Variants in PTAR1 observed in about 807,000 individuals in gnomAD.
PTAR1 encodes protein prenyltransferase alpha subunit repeat containing 1.
A neutral mutation model predicts 45.5 loss-of-function variants in PTAR1; 17 were observed. The observed-to-expected ratio is 0.37, with a 90% confidence interval of 0.26 to 0.56. PTAR1 has a LOEUF of 0.56. PTAR1 is among the 20% of genes least tolerant of loss of function. The probability of loss-of-function intolerance (pLI) is 0.77; values close to 1 mark genes in which losing one functional copy is unlikely to be tolerated. For missense variants in PTAR1, 391 were observed against 476.3 expected (o/e 0.82, Z 1.67); for synonymous variants, 169 against 171.3 (o/e 0.99, Z 0.11).
chr9:69,711,030 A>C lies in PTAR1; in HGVS notation c.*7312T>G, dbSNP rs79765027. On this transcript the variant is annotated 3_prime_UTR_variant, in exon 8 of 8. Coordinates refer to ENST00000340434, the MANE Select transcript of PTAR1 (RefSeq NM_001099666.2). ...GACTAGTGTCCACAAAATTCGAGTCAAAAAAAAATTAGACGCTATTAAAAT... is the reference window on the plus strand; with the variant it reads ...GACTAGTGTCCACAAAATTCGAGTCCAAAAAAAATTAGACGCTATTAAAAT... 6.6e-6 allele frequency: 1 copy of C among 151,450 alleles called. No individual in the cohort carries two copies. The highest frequency in any genetic ancestry group is 2.4e-5 in the African/African-American group (1 of 41,270). The allele number at this position is 151,450 out of a possible 1,614,324, so 9.4% of individuals were successfully genotyped here. A position where few individuals can be genotyped will look rare whatever the true frequency, so the allele number is the denominator to read the frequency against.
chr9:69,722,530 G>C (rs897326860), intron 6 of PTAR1, among the ~76,000 whole-genome samples: 2 of 152,010 alleles, frequency 1.3e-5, no homozygotes, highest in Non-Finnish European at 2.9e-5. Context: ...CTTCAGGTAA[G>C]TTAATTTGCA....
chr9:69,751,079 T>C (rs1826508651), intron 1 of PTAR1, 129 bp from the exon 2 acceptor site: 2 of 679,972 alleles, frequency 2.9e-6, no homozygotes, highest in Admixed American at 6.0e-5. Context: ...TTAGCTCACT[T>C]ACTGGGATTG....
rs114918767 is a variant in PTAR1, at chr9:69,732,326, T to C, written c.455A>G (p.Gln152Arg). The C allele has an allele frequency of 3.4e-3, 5,492 of 1,613,788 alleles. 176 individuals carry two copies. In the African/African-American group the frequency reaches 0.065, roughly 19 times the overall value. Residue 152 changes from glutamine to arginine, a missense_variant, in exon 5 of 8, where the codon CAG (glutamine) becomes CGG (arginine). By Grantham distance (43) the Gln-to-Arg change is conservative. Around this residue, in one of 5 missense-constraint regions of PTAR1, gnomAD observed 9 missense variants for 27.7 expected, o/e 0.33. Transcript: ENST00000340434. ...CACAAAGGAAGGCAAGGAGGTTTCC[T>C]GAATTAGCTGTTGTAGCACCCATCG... ...HRRWVLQQLIQETSLPSFVTK... is the reference protein window; with the variant it reads ...HRRWVLQQLIRETSLPSFVTK...
chr9:69,733,029 A>C (rs4144336), intron 4 of PTAR1, among the ~76,000 whole-genome samples: 22,014 of 152,220 alleles, frequency 0.14, 1,714 homozygotes, highest in East Asian at 0.27. Flanking sequence ...TTACTTATAT[A>C]AAAGCATTTT....
Position 69,711,083 on chromosome 9 carries a change from T to C in PTAR1, c.*7259A>G, listed in dbSNP as rs1262360154. The C allele has an allele frequency of 6.6e-6, 1 of 152,108 alleles. No individual in the cohort carries two copies. Among genetic ancestry groups the C allele is most frequent in the Non-Finnish European group, 1.5e-5 (1 of 67,996 alleles). The allele number at this position is 152,108 out of a possible 1,614,324, so 9.4% of individuals were successfully genotyped here. On this transcript the variant is annotated 3_prime_UTR_variant, in exon 8 of 8. Transcript: ENST00000340434. ...TAACTGGCCTTTTTTTTTCTCCCTC[T>C]CCTTTTTTAATCTTTTGTAGTGTAT...
intron 1 of PTAR1, among the ~76,000 whole-genome samples, chr9:69,753,979 T>TA (rs1400069925): frequency 6.6e-6 from 1 of 152,202 alleles, no homozygotes; most frequent in Non-Finnish European, 1.5e-5. Flanking sequence ...CATTGGTTAA[T>TA]AATGGAAAGC....
At position 69,759,793 on chromosome 9, in the gene PTAR1, T is replaced by C. The variant is rs963491349; in HGVS notation, c.86+60A>G. On this transcript the variant is annotated intron_variant, in intron 1 of 7. Transcript: ENST00000340434. ...CCGCCGCCCGAGGTCGGGTGGACGC[T>C]TGGCCCCGCCCCCGCCCGCTCCCGA... The C allele has an allele frequency of 9.4e-6, 14 of 1,486,522 alleles. No homozygotes were observed. The African/African-American group carries it at 1.9e-4, about 20-fold the overall frequency. 92.1% of individuals were successfully genotyped at this position (1,486,522 alleles called of 1,614,324 possible).
intron 5 of PTAR1, among the ~76,000 whole-genome samples, chr9:69,727,888 G>A (rs780996277): frequency 5.9e-5 from 9 of 152,150 alleles, no homozygotes; most frequent in Admixed American, 1.3e-4. Context: ...TATATTCACA[G>A]AATTGTGCAA....
At chr9:69,754,665 C>G (rs1826686563) in intron 1 of PTAR1, among the ~76,000 whole-genome samples, 1 of 149,462 alleles carries the variant, frequency 6.7e-6, no homozygotes, top group East Asian at 2.0e-4. Context: ...CTCAGATCTC[C>G]TGAGTAGCTG....
intron 5 of PTAR1, among the ~76,000 whole-genome samples, chr9:69,728,254 TG>T (rs1238110917): frequency 6.6e-6 from 1 of 152,178 alleles, no homozygotes; most frequent in African/African-American, 2.4e-5. Context: ...ATACAAGATT[TG>T]GTATGGAATG....
intron 1 of PTAR1, among the ~76,000 whole-genome samples, chr9:69,755,392 A>T (rs545535916): frequency 6.6e-6 from 1 of 152,300 alleles, no homozygotes; most frequent in South Asian, 2.1e-4. Flanking sequence ...ACTGATACTG[A>T]CTTTGTTCCT....
At chr9:69,729,613 G>C (rs766443533) in intron 5 of PTAR1, among the ~76,000 whole-genome samples, 23 of 152,112 alleles carry the variant, frequency 1.5e-4, no homozygotes, top group Non-Finnish European at 2.8e-4. Context: ...CTTTCAATTT[G>C]CATCACTCAG....
rs1323033694 is a variant in PTAR1, at chr9:69,716,142, G to A, written c.*2200C>T. 1.3e-5 allele frequency: 2 copies of A among 152,022 alleles called. No individual in the cohort carries two copies. The highest frequency in any genetic ancestry group is 2.9e-5 in the Non-Finnish European group (2 of 68,000). The allele number at this position is 152,022 out of a possible 1,614,324, so 9.4% of individuals were successfully genotyped here. Reference sequence around the variant, plus strand: ...AAGCATAAGCCCTATTACTCAAAATGTGAAAAATGATTTTTAGGAAAAAAG... The same window carrying A: ...AAGCATAAGCCCTATTACTCAAAATATGAAAAATGATTTTTAGGAAAAAAG... On this transcript the variant is annotated 3_prime_UTR_variant, in exon 8 of 8. Coordinates refer to ENST00000340434, the MANE Select transcript of PTAR1 (RefSeq NM_001099666.2).
At chr9:69,759,754 G>T in intron 1 of PTAR1, 99 bp downstream of exon 1, 2 of 1,216,062 alleles carry the variant, frequency 1.6e-6, no homozygotes, top group South Asian at 1.6e-5. Flanking sequence ...CGTGGGCCAG[G>T]ACCCGCTGTC....
intron 1 of PTAR1, among the ~76,000 whole-genome samples, chr9:69,751,679 T>C (rs1378326354): frequency 6.6e-6 from 1 of 152,106 alleles, no homozygotes; most frequent in Non-Finnish European, 1.5e-5. Flanking sequence ...AATAAATGCA[T>C]GTGGACCAGA....
intron 2 of PTAR1, among the ~76,000 whole-genome samples, chr9:69,750,092 A>G (rs1166148990): frequency 6.6e-6 from 1 of 152,110 alleles, no homozygotes; most frequent in African/African-American, 2.4e-5. Context: ...TACAATGATA[A>G]ACAGAATTTG....
chr9:69,726,368 G>A (rs952200137), intron 5 of PTAR1, among the ~76,000 whole-genome samples: 3 of 151,780 alleles, frequency 2.0e-5, no homozygotes, highest in East Asian at 1.9e-4. Context: ...TTTTTAACTC[G>A]TAAAATATTT....
intron 1 of PTAR1, among the ~76,000 whole-genome samples, chr9:69,759,130 A>G (rs1826952627): frequency 6.6e-6 from 1 of 152,224 alleles, no homozygotes; most frequent in Non-Finnish European, 1.5e-5. Flanking sequence ...TACATATGTC[A>G]GTTCTGCAGT....
intron 6 of PTAR1, among the ~76,000 whole-genome samples, chr9:69,722,512 A>G (rs923060465): frequency 3.9e-5 from 6 of 152,210 alleles, no homozygotes; most frequent in African/African-American, 1.4e-4. Flanking sequence ...AAGTGTCAAG[A>G]GATTATACTT....
Sources: gnomAD v4.1 joint callset for allele counts (sites outside exome capture counted in the v4.1 genomes callset) on GRCh38, gnomAD v4.1.1 for gene constraint, gnomAD v4.1.1 regional missense constraint, MANE v1.5 for transcripts, NCBI Gene and HGNC (gene_info 2026-07-23, HGNC 2026-07-21) for gene names.